Variants in UNC13C observed in about 807,000 individuals in gnomAD.
UNC13C encodes unc-13 homolog C.
UNC13C carries 174 observed loss-of-function variants against 245.4 expected under a neutral mutation model. That is an observed-to-expected ratio of 0.71 (90% CI 0.63 to 0.80). UNC13C has a LOEUF of 0.80. Ranked by LOEUF, UNC13C falls within the 30% of genes least tolerant of loss-of-function variation. UNC13C has a pLI of 0.00. For synonymous variants in UNC13C, 992 were observed against 895.1 expected (o/e 1.11, Z -1.93); for missense variants, 2,829 against 2,602.9 (o/e 1.09, Z -1.89).
chr15:53,986,708 T>C (rs1894158262), intron 1 of UNC13C, among the ~76,000 whole-genome samples: 1 of 152,088 alleles, frequency 6.6e-6, no homozygotes, highest in South Asian at 2.1e-4. Flanking sequence ...ACATATTGCC[T>C]CACTTTTCAT....
At chr15:54,420,266 AC>A (rs2040611781) in intron 19 of UNC13C, among the ~76,000 whole-genome samples, 1 of 152,036 alleles carries the variant, frequency 6.6e-6, no homozygotes, top group Admixed American at 6.6e-5. Context: ...TAGGTGACAT[AC>A]TTACATGGCT....
At chr15:54,615,701 T>C (rs1900388714) in intron 30 of UNC13C, among the ~76,000 whole-genome samples, 1 of 152,008 alleles carries the variant, frequency 6.6e-6, no homozygotes, top group South Asian at 2.1e-4. Context: ...TGAAAGTTGT[T>C]TTGTTTATTT....
At chr15:54,285,247 T>G (rs2037111581) in intron 10 of UNC13C, among the ~76,000 whole-genome samples, 1 of 152,180 alleles carries the variant, frequency 6.6e-6, no homozygotes, top group African/African-American at 2.4e-5. Context: ...TTTAAAGTGT[T>G]GAGGACTCTT....
At chr15:54,133,639 A>T (rs577840645) in intron 2 of UNC13C, among the ~76,000 whole-genome samples, 1 of 152,294 alleles carries the variant, frequency 6.6e-6, no homozygotes, top group South Asian at 2.1e-4. Flanking sequence ...TGGGAGCAGC[A>T]TTATAGGGAG....
Position 54,015,305 on chromosome 15 carries a change from TGCA to T in UNC13C, c.2404_2406del (p.Gln802del), listed in dbSNP as rs1466682464. The T allele has an allele frequency of 6.2e-7, 1 of 1,613,692 alleles. No individual in the cohort carries two copies. The highest frequency in any genetic ancestry group is 1.3e-5 in the African/African-American group (1 of 74,932). On this transcript the variant is annotated inframe_deletion, in exon 2 of 33. Transcript: ENST00000260323. ...AGCTTCCCAAAATTTGGATCTACAC[TGCA>T]GAGGGCTAAATCAGCCTTGGAAGTA...
chr15:54,316,630 C>T (rs149046330), intron 13 of UNC13C, among the ~76,000 whole-genome samples: 60 of 152,040 alleles, frequency 3.9e-4, no homozygotes, highest in Admixed American at 2.0e-3. Flanking sequence ...ATATCCAAAG[C>T]TAATATAGCA....
chr15:54,088,431 G>A lies in UNC13C; in HGVS notation c.2984-54587G>A, dbSNP rs79612302. ...GAGAGAAATGTTTTTAATCCACATC[G>A]GTGACAATGTGATTATAGATGCACT... On this transcript the variant is annotated intron_variant, in intron 2 of 32. Coordinates refer to ENST00000260323, the MANE Select transcript of UNC13C (RefSeq NM_001080534.3). Among the ~76,000 whole-genome samples, 802 of 152,086 alleles carry A rather than the reference G, an allele frequency of 5.3e-3. 8 individuals carry two copies. The highest frequency in any genetic ancestry group is 0.018 in the African/African-American group (761 of 41,490).
the UNC13C span, among the ~76,000 whole-genome samples, chr15:53,859,346 A>T: frequency 2.0e-3 from 303 of 152,270 alleles, no homozygotes; most frequent in African/African-American, 6.9e-3. Context: ...TACAAATATG[A>T]ATGCATGTTC....
intron 19 of UNC13C, among the ~76,000 whole-genome samples, chr15:54,436,579 T>G (rs764522888): frequency 3.3e-5 from 5 of 151,798 alleles, no homozygotes; most frequent in Non-Finnish European, 5.9e-5. Context: ...AACCAAACAC[T>G]GCATATTCTC....
At chr15:54,562,694 T>C (rs938262057) in intron 29 of UNC13C, among the ~76,000 whole-genome samples, 1 of 152,078 alleles carries the variant, frequency 6.6e-6, no homozygotes, top group Non-Finnish European at 1.5e-5. Context: ...CCCTTTTCTG[T>C]GTGATAGACT....
At chr15:54,022,917 T>C (rs1895960551) in intron 2 of UNC13C, among the ~76,000 whole-genome samples, 1 of 152,162 alleles carries the variant, frequency 6.6e-6, no homozygotes, top group Non-Finnish European at 1.5e-5. Context: ...ACAGTAAAAT[T>C]CATCTAGGAG....
chr15:54,283,892 T>C (rs2037071418), intron 10 of UNC13C, among the ~76,000 whole-genome samples: 1 of 152,204 alleles, frequency 6.6e-6, no homozygotes, highest in South Asian at 2.1e-4. Flanking sequence ...TTTTCTAAGC[T>C]AGTTCTATTA....
At chr15:53,884,026 A>T in the UNC13C span, among the ~76,000 whole-genome samples, 1 of 152,098 alleles carries the variant, frequency 6.6e-6, no homozygotes, top group Non-Finnish European at 1.5e-5. Flanking sequence ...TGATGCTGTG[A>T]TCCTGGGGAA....
chr15:54,038,124 A>AAATTTTTTTTT (rs1555406259), intron 2 of UNC13C, among the ~76,000 whole-genome samples: 1 of 45,040 alleles, frequency 2.2e-5, no homozygotes, highest in African/African-American at 1.1e-4. Flanking sequence ...ATATATATAT[A>AAATTTTTTTTT]TTTTTTTTTT....
chr15:54,347,874 G>T (rs28585621), intron 17 of UNC13C, among the ~76,000 whole-genome samples: 6,184 of 152,014 alleles, frequency 0.041, 418 homozygotes, highest in African/African-American at 0.14. Flanking sequence ...TTTCTTATTA[G>T]CTTTGATGAA....
At chr15:54,184,849 T>C (rs2033921606) in intron 4 of UNC13C, among the ~76,000 whole-genome samples, 1 of 152,186 alleles carries the variant, frequency 6.6e-6, no homozygotes, top group African/African-American at 2.4e-5. Context: ...CCACACCGAC[T>C]TCCACAATGG....
chr15:54,131,306 G>T (rs756876103), intron 2 of UNC13C, among the ~76,000 whole-genome samples: 47 of 152,240 alleles, frequency 3.1e-4, no homozygotes, highest in Non-Finnish European at 4.9e-4. Flanking sequence ...AATTTTGATT[G>T]TGTTATATGT....
At chr15:53,921,145 A>G in the UNC13C span, among the ~76,000 whole-genome samples, 1 of 152,098 alleles carries the variant, frequency 6.6e-6, no homozygotes, top group African/African-American at 2.4e-5. Flanking sequence ...GGGCACAGAC[A>G]TTGAGGCATC....
intron 19 of UNC13C, among the ~76,000 whole-genome samples, chr15:54,486,063 C>G (rs1310964721): frequency 6.6e-6 from 1 of 152,016 alleles, no homozygotes; most frequent in Non-Finnish European, 1.5e-5. Context: ...TTATAAGCTC[C>G]ATGATGGCAG....
Sources: gnomAD v4.1 joint callset for allele counts (sites outside exome capture counted in the v4.1 genomes callset) on GRCh38, gnomAD v4.1.1 for gene constraint, MANE v1.5 for transcripts, NCBI Gene and HGNC (gene_info 2026-07-23, HGNC 2026-07-21) for gene names.